PPP1R13B: variants seen among roughly 807,000 people sequenced by gnomAD.
PPP1R13B encodes protein phosphatase 1 regulatory subunit 13B.
Under a neutral mutation model 119.8 loss-of-function variants are expected in PPP1R13B, and 44 were observed. The ratio of observed to expected loss-of-function variants is 0.37; its 90% CI spans 0.29 to 0.47. The LOEUF (loss-of-function observed/expected upper bound fraction) is 0.47, where lower values mean the gene tolerates loss of function less well. Ranked by LOEUF, PPP1R13B falls within the 20% of genes least tolerant of loss-of-function variation. The probability of loss-of-function intolerance (pLI) is 0.99; values close to 1 mark genes in which losing one functional copy is unlikely to be tolerated. For synonymous variants in PPP1R13B, 542 were observed against 561.5 expected (o/e 0.97, Z 0.49); for missense variants, 1,227 against 1,413.5 (o/e 0.87, Z 2.12).
At chr14:103,750,019 T>C in intron 7 of PPP1R13B, 85 bp from the exon 8 acceptor site, 1 of 1,449,424 alleles carries the variant, frequency 6.9e-7, no homozygotes, top group Non-Finnish European at 9.4e-7. Flanking sequence ...AAAGAAAAAG[T>C]AGCATTAAGT....
intron 1 of PPP1R13B, among the ~76,000 whole-genome samples, chr14:103,832,834 T>C (rs1227870286): frequency 6.6e-6 from 1 of 152,010 alleles, no homozygotes; most frequent in Non-Finnish European, 1.5e-5. Flanking sequence ...ATACAAAAAT[T>C]AGCTGGGTGT....
chr14:103,772,448 C>T (rs1394850208), intron 4 of PPP1R13B, among the ~76,000 whole-genome samples: 2 of 152,228 alleles, frequency 1.3e-5, no homozygotes. Flanking sequence ...TACATTCCCA[C>T]AAGCAATACA....
chr14:103,762,712 G>A, intron 4 of PPP1R13B: 1 of 631,782 alleles, frequency 1.6e-6, no homozygotes, highest in Middle Eastern at 4.3e-4. Flanking sequence ...CAGTCCCTGG[G>A]TGTCGGCGGT....
At position 103,742,134 on chromosome 14, in the gene PPP1R13B, C is replaced by A; in HGVS notation, c.1478G>T (p.Gly493Val). Residue 493 changes from glycine to valine, a missense_variant, in exon 11 of 17, where the codon GGC (glycine) becomes GTC (valine). Gly to Val is a moderately radical substitution (Grantham distance 109, BLOSUM62 -3). Coordinates refer to ENST00000202556, the MANE Select transcript of PPP1R13B (RefSeq NM_015316.3). The surrounding 1 kb of genome is among the most constrained non-coding windows in gnomAD (Gnocchi z 4.9). ...GGTGGGCCTCTGTCGACTTGGCAGG[C>A]CTGCACTGGGCCTGGGCAAGCTGCC... is the stretch of plus-strand genomic sequence containing the variant. ...KEGSLPRPSA[G>V]LPSRQRPTLL... 6.2e-7 allele frequency: 1 copy of A among 1,612,424 alleles called. No homozygotes were observed. The highest frequency in any genetic ancestry group is 8.5e-7 in the Non-Finnish European group (1 of 1,179,992).
At chr14:103,785,016 AT>A in intron 2 of PPP1R13B, 102 bp from the exon 3 acceptor site, 1 of 996,590 alleles carries the variant, frequency 1.0e-6, no homozygotes, top group Non-Finnish European at 1.4e-6. Flanking sequence ...GCACACATGT[AT>A]GTCTACATGT....
chr14:103,831,742 C>T (rs1376131756), intron 1 of PPP1R13B, among the ~76,000 whole-genome samples: 2 of 151,886 alleles, frequency 1.3e-5, no homozygotes, highest in Non-Finnish European at 2.9e-5. Context: ...TCAAGACCAA[C>T]CTGGCCAACA....
In PPP1R13B at chr14:103,742,085, G is replaced by C. The variant is rs375378687; in HGVS notation, c.1527C>G (p.Thr509=). The change falls in exon 11 of 17, where the codon ACC becomes ACG. Residue 509 remains threonine (T), a synonymous_variant. Coordinates refer to ENST00000202556, the MANE Select transcript of PPP1R13B (RefSeq NM_015316.3). The surrounding 1 kb of genome is among the most constrained non-coding windows in gnomAD (Gnocchi z 4.9). ...TCTGTTGTGAGGAGCCTGGCTGGGG[G>C]GTGCTGCCTGTGGCGGGCAGCAGGG... ...RPTLLPATGS[T]PQPGSSQQIQ... 118 of 1,613,796 alleles carry C rather than the reference G, an allele frequency of 7.3e-5. No homozygotes were observed. Among genetic ancestry groups the C allele is most frequent in the Non-Finnish European group, 1.0e-4 (118 of 1,179,976 alleles).
In PPP1R13B at chr14:103,743,708, A is replaced by G. The variant is rs371474538; in HGVS notation, c.1151-885T>C. Among the ~76,000 whole-genome samples the G allele has an allele frequency of 3.0e-4, 46 of 152,334 alleles. 1 individual carries two copies. The highest frequency in any genetic ancestry group is 1.1e-3 in the African/African-American group (44 of 41,588). On this transcript the variant is annotated intron_variant, in intron 9 of 16. Coordinates refer to ENST00000202556, the MANE Select transcript of PPP1R13B (RefSeq NM_015316.3). ...CCCTTCCCTTATCCCATCTGCCAGCACAGGCAGGAGGGGATAACTAAGTAG... is the reference window on the plus strand; with the variant it reads ...CCCTTCCCTTATCCCATCTGCCAGCGCAGGCAGGAGGGGATAACTAAGTAG...
In PPP1R13B at chr14:103,765,990, TTA is replaced by T. The variant is rs1413974349; in HGVS notation, c.355-8241_355-8240del. Among the ~76,000 whole-genome samples, 166 of 143,272 alleles carry T rather than the reference TTA, an allele frequency of 1.2e-3. 2 individuals are homozygous for T. Among genetic ancestry groups the T allele is most frequent in the South Asian group, 7.9e-3 (36 of 4,574 alleles). The allele number at this position is 143,272 out of a possible 152,430, so 94.0% of individuals were successfully genotyped here. On this transcript the variant is annotated intron_variant, in intron 4 of 16. Coordinates refer to ENST00000202556, the MANE Select transcript of PPP1R13B (RefSeq NM_015316.3). ...ACTCTCGGAGGAAATTTTTATTTTA[TTA>T]TTATTATTATTATTATTATTATTAT...
intron 9 of PPP1R13B, 24 bp downstream of exon 9, chr14:103,746,349 A>G (rs1378563289): frequency 2.6e-6 from 3 of 1,150,272 alleles, no homozygotes; most frequent in Non-Finnish European, 3.3e-6. Context: ...ACTCTCCCCC[A>G]GGAAGAGGGC....
In PPP1R13B at chr14:103,733,246, ACTT is replaced by A; in HGVS notation, c.*1905_*1907del. 1 of 562,840 alleles carries A rather than the reference ACTT, an allele frequency of 1.8e-6. No individual in the cohort carries two copies. 34.9% of individuals were successfully genotyped at this position (562,840 alleles called of 1,614,324 possible). A position where few individuals can be genotyped will look rare whatever the true frequency, so the allele number is the denominator to read the frequency against. On this transcript the variant is annotated 3_prime_UTR_variant, in exon 17 of 17. Coordinates refer to ENST00000202556, the MANE Select transcript of PPP1R13B (RefSeq NM_015316.3). The stretch of plus-strand genomic sequence containing the variant: ...GTTTTAGAATTTGTGTATTGTCAAT[ACTT>A]AATTGGGGGTGGGAGAGACTGAGCT...
Position 103,749,782 on chromosome 14 carries a change from T to G in PPP1R13B, c.969+12A>C, listed in dbSNP as rs550370363. 5.0e-6 allele frequency: 8 copies of G among 1,608,534 alleles called. 1 individual carries two copies. In the South Asian group the frequency reaches 7.8e-5, roughly 16 times the overall value. On this transcript the variant is annotated intron_variant, in intron 8 of 16. Coordinates refer to ENST00000202556, the MANE Select transcript of PPP1R13B (RefSeq NM_015316.3). ...CTTTAGTAGTTTATCTCACAAAAAC[T>G]TTTTCACATGCCTGAATTTTTTTCC... is the stretch of plus-strand genomic sequence containing the variant.
intron 16 of PPP1R13B, 41 bp downstream of exon 16, chr14:103,735,962 C>CA: frequency 6.2e-7 from 1 of 1,604,404 alleles, no homozygotes; most frequent in Non-Finnish European, 8.5e-7. Context: ...TGTACAGAGA[C>CA]ACGGGCAGCT....
In PPP1R13B at chr14:103,797,376, C is replaced by T. The variant is rs2152041100; in HGVS notation, c.152G>A (p.Gly51Glu). The T allele has an allele frequency of 1.2e-6, 2 of 1,613,564 alleles. No individual in the cohort carries two copies. Among genetic ancestry groups the T allele is most frequent in the East Asian group, 4.5e-5 (2 of 44,852 alleles). ...TTACAGGACCTAATACATACCATTT[C>T]CCCTCCACACTTCAGCTAAATGGCA... is the stretch of plus-strand genomic sequence containing the variant. ...GSCHLAEVWRGNERPIPFDHM... is the reference protein window; with the variant it reads ...GSCHLAEVWRENERPIPFDHM... The change falls in exon 2 of 17, where the codon GGA becomes GAA. Residue 51 changes from glycine (G) to glutamate (E), a missense_variant. Transcript: ENST00000202556.
chr14:103,823,293 C>A (rs376472063), intron 1 of PPP1R13B, among the ~76,000 whole-genome samples: 2 of 151,144 alleles, frequency 1.3e-5, no homozygotes, highest in African/African-American at 4.9e-5. Flanking sequence ...GAGCTGAGAT[C>A]GCGCCACTGC....
intron 3 of PPP1R13B, among the ~76,000 whole-genome samples, chr14:103,782,140 T>A (rs1364394009): frequency 6.6e-6 from 1 of 152,058 alleles, no homozygotes; most frequent in Non-Finnish European, 1.5e-5. Context: ...GCCAACAACA[T>A]CCCCAGTTGC....
At chr14:103,807,853 T>C (rs899266465) in intron 1 of PPP1R13B, among the ~76,000 whole-genome samples, 3 of 152,152 alleles carry the variant, frequency 2.0e-5, no homozygotes, top group Non-Finnish European at 2.9e-5. Flanking sequence ...TTGCCTGTTT[T>C]CTCATCTTCA....
chr14:103,758,427 T>G (rs999220071), intron 4 of PPP1R13B, among the ~76,000 whole-genome samples: 7 of 152,156 alleles, frequency 4.6e-5, no homozygotes, highest in South Asian at 4.1e-4. Context: ...GTTTTACAGA[T>G]AAGAAAACAA....
At chr14:103,822,714 G>A (rs1207237580) in intron 1 of PPP1R13B, among the ~76,000 whole-genome samples, 3 of 152,086 alleles carry the variant, frequency 2.0e-5, no homozygotes, top group Non-Finnish European at 4.4e-5. Flanking sequence ...TGGGGAGGCT[G>A]AGGCAAAAGA....
Sources: gnomAD v4.1 joint callset for allele counts (sites outside exome capture counted in the v4.1 genomes callset) on GRCh38, gnomAD v4.1.1 for gene constraint, Gnocchi (gnomAD v3.1) non-coding constraint, MANE v1.5 for transcripts, NCBI Gene and HGNC (gene_info 2026-07-23, HGNC 2026-07-21) for gene names.